The following PLXNA1 variants were observed in gnomAD, a reference collection of about 807,000 sequenced individuals.
PLXNA1 encodes plexin-A1.
Under a neutral mutation model 191.7 loss-of-function variants are expected in PLXNA1, and 77 were observed. That is an observed-to-expected ratio of 0.40 (90% CI 0.33 to 0.49). The LOEUF (loss-of-function observed/expected upper bound fraction) is 0.49, where lower values mean the gene tolerates loss of function less well. Among genes scored for constraint, PLXNA1 ranks in the 20% least tolerant of loss-of-function variants. PLXNA1 has a pLI of 0.63. For missense variants in PLXNA1, 2,110 were observed against 2,660.2 expected, an observed-to-expected ratio of 0.79 and a Z score of 4.55; for synonymous variants, 1,137 against 1,156.4, an observed-to-expected ratio of 0.98 and a Z score of 0.34.
chr3:126,998,509 A>G (rs1004656047), intron 3 of PLXNA1, among the ~76,000 whole-genome samples: 1 of 152,168 alleles, frequency 6.6e-6, no homozygotes, highest in African/African-American at 2.4e-5. Context: ...AGGCAGTGGT[A>G]TGTGACTGAG....
At position 127,003,353 on chromosome 3, in the gene PLXNA1, C is replaced by G; in HGVS notation, c.1401C>G (p.Pro467=). ...AGATCCTGGTGGACCTCTCAAACCC[C>G]GGTGGCCGGCCTGCCCTGGCCTACG... ...IRKILVDLSN[P]GGRPALAYES... Residue 467 remains proline (P), a synonymous_variant, in exon 4 of 32, where the codon CCC becomes CCG. Transcript: ENST00000393409. 1 of 1,606,478 alleles carries G rather than the reference C, an allele frequency of 6.2e-7. No homozygotes were observed. The highest frequency in any genetic ancestry group is 8.5e-7 in the Non-Finnish European group (1 of 1,175,224).
intron 17 of PLXNA1, 87 bp from the exon 18 acceptor site, chr3:127,017,338 G>C: frequency 6.6e-7 from 1 of 1,509,394 alleles, no homozygotes; most frequent in South Asian, 1.3e-5. Context: ...CAGGGAGCAG[G>C]CAGCCCCCAG....
intron 27 of PLXNA1, among the ~76,000 whole-genome samples, 160 bp from the exon 28 acceptor site, chr3:127,029,714 G>A (rs925606754): frequency 2.0e-5 from 3 of 152,230 alleles, no homozygotes; most frequent in African/African-American, 7.2e-5. Flanking sequence ...CCTCGCGACT[G>A]TGTGTCCGTA....
At chr3:127,005,294 G>C (rs745884301) in intron 7 of PLXNA1, 51 bp downstream of exon 7, 42 of 1,553,440 alleles carry the variant, frequency 2.7e-5, no homozygotes, top group Non-Finnish European at 3.3e-5. Context: ...GTCCAGGGCT[G>C]CAATCCAGTT....
At chr3:127,004,835 G>A (rs780932857) in intron 5 of PLXNA1, 50 bp from the exon 6 acceptor site, 24 of 1,565,270 alleles carry the variant, frequency 1.5e-5, no homozygotes, top group East Asian at 2.3e-5. Context: ...CCTGGCAGGC[G>A]GGCCCCGTAG....
chr3:127,004,102 G>A (rs971997685), intron 4 of PLXNA1, among the ~76,000 whole-genome samples: 6 of 152,248 alleles, frequency 3.9e-5, no homozygotes, highest in South Asian at 2.1e-4. Context: ...TGGCTGGCTC[G>A]TTTTTCCTCT....
Position 126,991,690 on chromosome 3 carries a change from G to T in PLXNA1, c.1377+124G>T, listed in dbSNP as rs2078991713. The stretch of plus-strand genomic sequence containing the variant: ...GGAGGCTAGATCTGGCGTACAGGGG[G>T]CAGGGGGAATGTTGCCCTACACTAG... On this transcript the variant is annotated intron_variant, in intron 3 of 31. Transcript: ENST00000393409. 5 of 1,079,358 alleles carry T rather than the reference G, an allele frequency of 4.6e-6. No homozygotes were observed. The East Asian group carries it at 1.1e-4, about 24-fold the overall frequency. The allele number at this position is 1,079,358 out of a possible 1,614,324, so 66.9% of individuals were successfully genotyped here.
chr3:127,020,997 G>A (rs2079149747), intron 21 of PLXNA1, among the ~76,000 whole-genome samples: 1 of 152,240 alleles, frequency 6.6e-6, no homozygotes, highest in African/African-American at 2.4e-5. Context: ...AGGCAGGCTA[G>A]GAGCCAGTCC....
At chr3:127,022,584 C>A (rs564270279) in intron 22 of PLXNA1, among the ~76,000 whole-genome samples, 168 bp from the exon 23 acceptor site, 24 of 152,222 alleles carry the variant, frequency 1.6e-4, no homozygotes, top group African/African-American at 5.8e-4. Flanking sequence ...CATGGCAGCC[C>A]CTGAAGCGCC....
chr3:127,030,267 G>A lies in PLXNA1; in HGVS notation c.5086G>A (p.Asp1696Asn), dbSNP rs1471458213. 6.2e-7 allele frequency: 1 copy of A among 1,613,770 alleles called. No individual in the cohort carries two copies. The highest frequency in any genetic ancestry group is 1.3e-5 in the African/African-American group (1 of 75,074). Residue 1696 changes from aspartate to asparagine, a missense_variant, in exon 29 of 32, where the codon GAC becomes AAC. Physicochemically the swap from Asp to Asn is conservative, Grantham distance 23 (BLOSUM62 1). This residue lies in a region of PLXNA1 where 559 missense variants were observed against 911.5 expected (regional missense o/e 0.61). Coordinates refer to ENST00000393409, the MANE Select transcript of PLXNA1 (RefSeq NM_032242.4). The part of the protein sequence containing the change: ...TKGTLQKFVD[D>N]LFETIFSTAH... Reference sequence around the variant, plus strand: ...GGGCACACTGCAGAAGTTTGTGGACGACCTGTTTGAGACCATCTTCAGCAC... The same window carrying A: ...GGGCACACTGCAGAAGTTTGTGGACAACCTGTTTGAGACCATCTTCAGCAC...
intron 9 of PLXNA1, 134 bp downstream of exon 9, chr3:127,008,047 A>G (rs1228396193): frequency 3.3e-6 from 2 of 597,474 alleles, no homozygotes; most frequent in East Asian, 5.9e-5. Context: ...CGTGTGGTGC[A>G]TGCACCACCA....
At chr3:126,995,273 C>T (rs966677274) in intron 3 of PLXNA1, among the ~76,000 whole-genome samples, 5 of 152,312 alleles carry the variant, frequency 3.3e-5, no homozygotes, top group Admixed American at 6.5e-5. Flanking sequence ...GGGTGCCTCT[C>T]TCAGCGAACT....
intron 3 of PLXNA1, among the ~76,000 whole-genome samples, chr3:126,997,041 G>A (rs1444081393): frequency 7.2e-5 from 11 of 152,200 alleles, no homozygotes; most frequent in Admixed American, 7.2e-4. Flanking sequence ...CTTTGACGCT[G>A]TGTGCTGCTA....
chr3:127,030,120 A>C, intron 28 of PLXNA1, 56 bp downstream of exon 28: 1 of 1,597,696 alleles, frequency 6.3e-7, no homozygotes, highest in Non-Finnish European at 8.6e-7. Flanking sequence ...AGCTCAGAGA[A>C]AGTGCCAAGC....
At chr3:126,986,175 A>C (rs765396584) in intron 1 of PLXNA1, among the ~76,000 whole-genome samples, 45 of 152,114 alleles carry the variant, frequency 3.0e-4, no homozygotes, top group Admixed American at 5.9e-4. Context: ...TGAACTGATA[A>C]ACGGTGAGTG....
At position 127,003,016 on chromosome 3, in the gene PLXNA1, A is replaced by C. The variant is rs114885388; in HGVS notation, c.1378-314A>C. Among the ~76,000 whole-genome samples, 589 of 152,288 alleles carry C rather than the reference A, an allele frequency of 3.9e-3. 1 individual carries two copies. The highest frequency in any genetic ancestry group is 6.5e-3 in the Non-Finnish European group (439 of 68,026). On this transcript the variant is annotated intron_variant, in intron 3 of 31. Transcript: ENST00000393409. ...TGTAGCCTTCACCCTGGGTGTGGCC[A>C]TGCTGCTCCGTGGTGGGTGCTGGGC...
intron 9 of PLXNA1, 60 bp downstream of exon 9, chr3:127,007,973 C>T: frequency 4.3e-6 from 5 of 1,172,568 alleles, no homozygotes; most frequent in Non-Finnish European, 6.2e-6. Context: ...TGGGTTGAGA[C>T]ATCCCATCTG....
In PLXNA1 at chr3:127,034,703, T is replaced by TG. The variant is rs1232595468; in HGVS notation, c.*689dup. The stretch of plus-strand genomic sequence containing the variant: ...TCTGCTCCCTCCTATGGAGGGGCTG[T>TG]GGGCCAGGCTGCTCAGACTCCTGGG... On this transcript the variant is annotated 3_prime_UTR_variant, in exon 32 of 32. Coordinates refer to ENST00000393409, the MANE Select transcript of PLXNA1 (RefSeq NM_032242.4). The TG allele has an allele frequency of 6.5e-6, 1 of 152,696 alleles. No homozygotes were observed. Among genetic ancestry groups the TG allele is most frequent in the African/African-American group, 2.4e-5 (1 of 41,462 alleles). The allele number at this position is 152,696 out of a possible 1,614,324, so 9.5% of individuals were successfully genotyped here.
chr3:126,989,681 G>C lies in PLXNA1; in HGVS notation c.1088G>C (p.Arg363Thr), dbSNP rs1161490786. 5 of 1,613,120 alleles carry C rather than the reference G, an allele frequency of 3.1e-6. No homozygotes were observed. Among genetic ancestry groups the C allele is most frequent in the Non-Finnish European group, 4.2e-6 (5 of 1,180,018 alleles). ...TCAGCACTGTGCCTGTTCACGCTCA[G>C]GGCCATCAAGGAGAAGATTAAGGAG... ...KESALCLFTL[R>T]AIKEKIKERI... is the part of the protein sequence containing the mutation. Residue 363 changes from arginine (R) to threonine (T), a missense_variant, in exon 2 of 32, where the codon AGG (arginine) becomes ACG (threonine). Coordinates refer to ENST00000393409, the MANE Select transcript of PLXNA1 (RefSeq NM_032242.4).
Sources: allele counts gnomAD v4.1 joint callset (sites outside exome capture counted in the v4.1 genomes callset), GRCh38; gene constraint gnomAD v4.1.1; regional missense constraint gnomAD v4.1.1; transcripts MANE v1.5; gene names NCBI Gene and HGNC (gene_info 2026-07-23, HGNC 2026-07-21).